SLC4A4: variants seen among roughly 807,000 people sequenced by gnomAD.
SLC4A4 encodes solute carrier family 4 member 4, also known as electrogenic sodium bicarbonate cotransporter 1.
SLC4A4 carries 27 observed loss-of-function variants against 111.5 expected under a neutral mutation model. That is an observed-to-expected ratio of 0.24 (90% CI 0.18 to 0.33). The LOEUF (loss-of-function observed/expected upper bound fraction) is 0.33. Among genes scored for constraint, SLC4A4 ranks in the 10% least tolerant of loss-of-function variants. The pLI is 1.00. For missense variants in SLC4A4, 909 were observed against 1,315.5 expected (o/e 0.69, Z 4.78); for synonymous variants, 443 against 463.4 (o/e 0.96, Z 0.57).
chr4:71,420,507 G>A (rs1367734800), intron 7 of SLC4A4, among the ~76,000 whole-genome samples: 1 of 151,998 alleles, frequency 6.6e-6, no homozygotes, highest in Admixed American at 6.6e-5. Context: ...TACTCCTCGA[G>A]AAGAGCAACT....
intron 12 of SLC4A4, among the ~76,000 whole-genome samples, chr4:71,457,219 T>C (rs914384446): frequency 6.0e-4 from 92 of 152,150 alleles, no homozygotes; most frequent in African/African-American, 2.1e-3. Context: ...GCAGATTATT[T>C]TGGGAGCTAT....
chr4:71,562,037 A>G (rs745348348), intron 23 of SLC4A4, among the ~76,000 whole-genome samples: 12 of 151,918 alleles, frequency 7.9e-5, no homozygotes, highest in Middle Eastern at 3.4e-3. Flanking sequence ...AGTTGGATCA[A>G]AAGAACTCCT....
At chr4:71,186,378 A>G (rs892002460), upstream of SLC4A4, among the ~76,000 whole-genome samples, 1 of 152,204 alleles carries the variant, frequency 6.6e-6, no homozygotes, top group African/African-American at 2.4e-5. Flanking sequence ...AGTAGAGTCA[A>G]GAGTGATCTG....
intron 1 of SLC4A4, among the ~76,000 whole-genome samples, chr4:71,207,273 A>C (rs981805154): frequency 6.6e-6 from 1 of 152,224 alleles, no homozygotes; most frequent in Admixed American, 6.5e-5. Context: ...TTTTATTGAC[A>C]CTAGTCTGAA....
intron 3 of SLC4A4, among the ~76,000 whole-genome samples, chr4:71,329,303 G>A (rs1396037111): frequency 6.6e-6 from 1 of 151,978 alleles, no homozygotes; most frequent in African/African-American, 2.4e-5. Flanking sequence ...AGCTATTCTG[G>A]GTCTTTTGTG....
intron 18 of SLC4A4, among the ~76,000 whole-genome samples, chr4:71,543,049 G>T (rs1735204728): frequency 6.6e-6 from 1 of 152,118 alleles, no homozygotes; most frequent in African/African-American, 2.4e-5. Context: ...TATGCACAAT[G>T]TGACACCGCA....
chr4:71,443,322 T>G (rs908676987), intron 8 of SLC4A4, among the ~76,000 whole-genome samples: 1 of 151,348 alleles, frequency 6.6e-6, no homozygotes, highest in African/African-American at 2.4e-5. Context: ...AGCTAATTCT[T>G]GTATTTTTGT....
intron 6 of SLC4A4, among the ~76,000 whole-genome samples, chr4:71,377,903 A>G (rs1158226894): frequency 6.6e-6 from 1 of 152,228 alleles, no homozygotes; most frequent in Non-Finnish European, 1.5e-5. Flanking sequence ...AATTAGACTT[A>G]CAGTTTCATG....
chr4:71,265,298 G>A (rs1045525148), intron 3 of SLC4A4, among the ~76,000 whole-genome samples: 12 of 152,108 alleles, frequency 7.9e-5, no homozygotes, highest in African/African-American at 2.9e-4. Flanking sequence ...GCTCATACAA[G>A]TTCAGATGAA....
intron 14 of SLC4A4, among the ~76,000 whole-genome samples, chr4:71,475,286 C>T (rs1317639296): frequency 2.0e-5 from 3 of 151,792 alleles, no homozygotes; most frequent in African/African-American, 4.8e-5. Context: ...AACTTGTGTT[C>T]GTTGTTTTAT....
intron 3 of SLC4A4, among the ~76,000 whole-genome samples, chr4:71,335,202 C>T (rs573120337): frequency 2.6e-5 from 4 of 152,166 alleles, no homozygotes; most frequent in Admixed American, 6.5e-5. Context: ...TGCACATGTA[C>T]GCCTATATCT....
At position 71,555,148 on chromosome 4, in the gene SLC4A4, C is replaced by G. The variant is rs1736361044; in HGVS notation, c.2703C>G (p.Pro901=). The G allele has an allele frequency of 6.2e-7, 1 of 1,607,694 alleles. No homozygotes were observed. Among genetic ancestry groups the G allele is most frequent in the African/African-American group, 1.3e-5 (1 of 74,636 alleles). Residue 901 remains proline, a synonymous_variant, in exon 21 of 26, where the codon CCC becomes CCG. Transcript: ENST00000264485. The part of the protein sequence containing the change: ...VFMAPILKFI[P]MPVLYGVFLY... ...CATTTTTTTCCTTCTAGTTTATACC[C>G]ATGCCTGTACTCTATGGTGTGTTCC...
At position 71,277,585 on chromosome 4, in the gene SLC4A4, CTTCT is replaced by C. The variant is rs200222197; in HGVS notation, c.253+22195_253+22198del. Among the ~76,000 whole-genome samples the C allele has an allele frequency of 1.7e-3, 232 of 135,786 alleles. 2 individuals carry two copies. Among genetic ancestry groups the C allele is most frequent in the African/African-American group, 6.0e-3 (223 of 37,014 alleles). 89.1% of individuals were successfully genotyped at this position (135,786 alleles called of 152,430 possible). On this transcript the variant is annotated intron_variant, in intron 3 of 25. Transcript: ENST00000264485. ...TTTTCTTTCCTTCCTTCCTTCCTTC[CTTCT>C]TTCTTTCTCTCTCTCTCCTTCCTTC...
At chr4:71,285,442 C>T (rs932587082) in intron 3 of SLC4A4, among the ~76,000 whole-genome samples, 13 of 152,098 alleles carry the variant, frequency 8.5e-5, no homozygotes, top group Non-Finnish European at 1.8e-4. Flanking sequence ...ACAGTCCTCT[C>T]ATTCAGTGTC....
Position 71,234,343 on chromosome 4 carries a change from T to G in SLC4A4, c.-1-2233T>G, listed in dbSNP as rs548323495. Among the ~76,000 whole-genome samples the G allele has an allele frequency of 3.9e-5, 6 of 152,396 alleles. No individual in the cohort carries two copies. In the East Asian group the frequency reaches 1.2e-3, roughly 29 times the overall value. ...ACATAGCAGGCACTAAATAAATATT[T>G]GCTGAACCAGTGAATATACTTTATC... On this transcript the variant is annotated intron_variant, in intron 1 of 25. Transcript: ENST00000264485.
intron 2 of SLC4A4, among the ~76,000 whole-genome samples, chr4:71,142,161 T>A (rs181230791): frequency 6.6e-6 from 1 of 152,330 alleles, no homozygotes; most frequent in East Asian, 1.9e-4. Context: ...TTAGACCTAA[T>A]TCATAAAAAC....
intron 18 of SLC4A4, among the ~76,000 whole-genome samples, chr4:71,544,465 G>A (rs141529968): frequency 1.3e-5 from 2 of 151,994 alleles, no homozygotes; most frequent in African/African-American, 4.8e-5. Flanking sequence ...TGTGAACAGA[G>A]GCCAGATCAT....
chr4:71,077,399 G>T (rs979260759), intron 1 of SLC4A4, among the ~76,000 whole-genome samples: 1 of 152,092 alleles, frequency 6.6e-6, no homozygotes, highest in East Asian at 1.9e-4. Context: ...GACCTCAGGG[G>T]ATCCCTCCCA....
rs1372849637 is a variant in SLC4A4, at chr4:71,569,060, A to T, written c.*1309A>T. On this transcript the variant is annotated 3_prime_UTR_variant, in exon 26 of 26. Transcript: ENST00000264485. ...TGTGTTTGTGTATGTGCTCTGTGCC[A>T]TGGCTGGTGTATATATGTGCAATGT... 6.6e-6 allele frequency: 1 copy of T among 151,640 alleles called. No individual in the cohort carries two copies. Among genetic ancestry groups the T allele is most frequent in the Non-Finnish European group, 1.5e-5 (1 of 67,770 alleles). 9.4% of individuals were successfully genotyped at this position (151,640 alleles called of 1,614,324 possible).
Sources: allele counts gnomAD v4.1 joint callset (sites outside exome capture counted in the v4.1 genomes callset), GRCh38; gene constraint gnomAD v4.1.1; transcripts MANE v1.5; gene names NCBI Gene and HGNC (gene_info 2026-07-23, HGNC 2026-07-21).